STARD13: variants seen among roughly 807,000 people sequenced by gnomAD.
STARD13 encodes stAR-related lipid transfer protein 13.
In STARD13, 62 loss-of-function variants were observed where a neutral mutation model predicts 106.4. That is an observed-to-expected ratio of 0.58 (90% CI 0.48 to 0.72). The LOEUF (loss-of-function observed/expected upper bound fraction) is 0.72, where lower values mean the gene tolerates loss of function less well. Ranked by LOEUF, STARD13 falls within the 30% of genes least tolerant of loss-of-function variation. The pLI is 0.00. For synonymous variants in STARD13, 565 were observed against 553.0 expected (o/e 1.02, Z -0.31); for missense variants, 1,387 against 1,424.0 (o/e 0.97, Z 0.42).
chr13:33,110,590 C>A, intron 11 of STARD13, 96 bp downstream of exon 11: 1 of 1,030,412 alleles, frequency 9.7e-7, no homozygotes, highest in Non-Finnish European at 1.5e-6. Flanking sequence ...TGTGCCAAGC[C>A]CTGTGGACAC....
At chr13:33,531,747 T>C in the STARD13 span, among the ~76,000 whole-genome samples, 1 of 152,160 alleles carries the variant, frequency 6.6e-6, no homozygotes, top group Non-Finnish European at 1.5e-5. Context: ...TACTTCCAGT[T>C]TGAATGTAAG....
At chr13:33,163,714 TATATATAACATATATAAAAC>T (rs1380389235) in intron 3 of STARD13, among the ~76,000 whole-genome samples, 36 of 134,648 alleles carry the variant, frequency 2.7e-4, no homozygotes, top group African/African-American at 9.0e-4. Flanking sequence ...ATATAAAACA[TATATATAACATATATAAAAC>T]ATATATATAT....
chr13:33,121,909 G>T (rs186276629), intron 7 of STARD13, among the ~76,000 whole-genome samples: 8 of 151,178 alleles, frequency 5.3e-5, no homozygotes, highest in Admixed American at 5.3e-4. Flanking sequence ...GCGATGGCAC[G>T]ATCTCAGCTC....
At position 33,198,542 on chromosome 13, in the gene STARD13, C is replaced by G. The variant is rs117671099; in HGVS notation, c.170-30920G>C. 1.1e-3 allele frequency among the ~76,000 whole-genome samples: 173 copies of G among 152,170 alleles called. 2 individuals carry two copies. The East Asian group carries it at 0.025, about 22-fold the overall frequency. ...ATTGCAAAATGTACAGAAATTAACC[C>G]TTCTCCCTCACCTCCATACCCCCTT... is the stretch of plus-strand genomic sequence containing the variant. On this transcript the variant is annotated intron_variant, in intron 1 of 13. Coordinates refer to ENST00000336934, the MANE Select transcript of STARD13 (RefSeq NM_178006.4).
At chr13:33,290,649 C>G (rs1892257586), upstream of STARD13, among the ~76,000 whole-genome samples, 1 of 152,264 alleles carries the variant, frequency 6.6e-6, no homozygotes, top group Admixed American at 6.5e-5. Flanking sequence ...TCTCAGCCCT[C>G]CCTACTGTCT....
At chr13:33,140,694 G>A (rs1287471381) in intron 4 of STARD13, among the ~76,000 whole-genome samples, 2 of 151,890 alleles carry the variant, frequency 1.3e-5, no homozygotes, top group African/African-American at 4.8e-5. Flanking sequence ...AGGTTACTAA[G>A]GGGTAACTTA....
the STARD13 span, among the ~76,000 whole-genome samples, chr13:33,364,741 T>C: frequency 2.0e-5 from 3 of 152,038 alleles, no homozygotes; most frequent in Non-Finnish European, 4.4e-5. Flanking sequence ...TACAGAAAAT[T>C]AGCCAGGCGT....
At chr13:33,428,430 C>G in the STARD13 span, among the ~76,000 whole-genome samples, 1 of 151,932 alleles carries the variant, frequency 6.6e-6, no homozygotes, top group Non-Finnish European at 1.5e-5. Context: ...TCCGAAAAGA[C>G]GTTAATATTA....
the STARD13 span, among the ~76,000 whole-genome samples, chr13:33,369,727 G>GTT: frequency 6.7e-6 from 1 of 148,806 alleles, no homozygotes; most frequent in Non-Finnish European, 1.5e-5. Context: ...TTTACATACA[G>GTT]TTTTTTTTTT....
chr13:33,374,878 A>G, the STARD13 span, among the ~76,000 whole-genome samples: 1 of 152,152 alleles, frequency 6.6e-6, no homozygotes, highest in African/African-American at 2.4e-5. Flanking sequence ...GTAGACTCTG[A>G]TTCTATAGAT....
chr13:33,448,045 C>T, the STARD13 span, among the ~76,000 whole-genome samples: 9 of 152,020 alleles, frequency 5.9e-5, no homozygotes, highest in South Asian at 2.1e-4. Context: ...ACTAAATTAT[C>T]GTTATTATTA....
intron 1 of STARD13, among the ~76,000 whole-genome samples, chr13:33,177,768 AAAGGAAGGAAGG>A (rs201721373): frequency 2.0e-5 from 1 of 50,664 alleles, no homozygotes; most frequent in Admixed American, 2.2e-4. Flanking sequence ...GGAAGGAAGG[AAAGGAAGGAAGG>A]AAGGAAGGAA....
chr13:33,249,225 A>C (rs191800494), intron 1 of STARD13, among the ~76,000 whole-genome samples: 12 of 152,358 alleles, frequency 7.9e-5, no homozygotes, highest in African/African-American at 2.9e-4. Context: ...AAAGGTTATC[A>C]CTGGCCACAA....
At chr13:33,408,919 C>T in the STARD13 span, among the ~76,000 whole-genome samples, 1 of 152,042 alleles carries the variant, frequency 6.6e-6, no homozygotes, top group African/African-American at 2.4e-5. Flanking sequence ...CACATCTCTG[C>T]TCAAATGTTA....
the STARD13 span, among the ~76,000 whole-genome samples, chr13:33,662,866 C>T: frequency 7.2e-5 from 11 of 152,110 alleles, no homozygotes; most frequent in Middle Eastern, 3.2e-3. Flanking sequence ...CTAATGAATA[C>T]GCTCTCCCTA....
the STARD13 span, among the ~76,000 whole-genome samples, chr13:33,614,742 T>G: frequency 6.6e-6 from 1 of 152,120 alleles, no homozygotes; most frequent in African/African-American, 2.4e-5. Context: ...CTGGGGGACA[T>G]ACATTTCAAA....
At chr13:33,528,226 G>GTGTA in the STARD13 span, among the ~76,000 whole-genome samples, 20 of 100,994 alleles carry the variant, frequency 2.0e-4, no homozygotes, top group South Asian at 2.2e-3. Flanking sequence ...GTGTGTGTGT[G>GTGTA]TATATATATA....
the STARD13 span, among the ~76,000 whole-genome samples, chr13:33,641,738 A>T: frequency 1.4e-3 from 218 of 152,302 alleles, 1 homozygote; most frequent in Non-Finnish European, 2.8e-3. Flanking sequence ...GAAGCCTGTG[A>T]TATACTGATT....
At chr13:33,518,231 C>T in the STARD13 span, among the ~76,000 whole-genome samples, 1 of 152,052 alleles carries the variant, frequency 6.6e-6, no homozygotes, top group Non-Finnish European at 1.5e-5. Flanking sequence ...CAAAATTACC[C>T]CCCATCCCAG....
Sources: gnomAD v4.1 joint callset for allele counts (sites outside exome capture counted in the v4.1 genomes callset) on GRCh38, gnomAD v4.1.1 for gene constraint, MANE v1.5 for transcripts, NCBI Gene and HGNC (gene_info 2026-07-23, HGNC 2026-07-21) for gene names.